RRAGD: variants seen among roughly 807,000 people sequenced by gnomAD.
RRAGD encodes ras-related GTP-binding protein D.
A neutral mutation model predicts 35.5 loss-of-function variants in RRAGD; 12 were observed. The observed-to-expected ratio is 0.34, with a 90% confidence interval of 0.22 to 0.55. RRAGD has a LOEUF of 0.55. Among genes scored for constraint, RRAGD ranks in the 20% least tolerant of loss-of-function variants. The probability of loss-of-function intolerance (pLI) is 0.91; values close to 1 mark genes in which losing one functional copy is unlikely to be tolerated. For synonymous variants in RRAGD, 155 were observed against 178.9 expected (o/e 0.87, Z 1.07); for missense variants, 324 against 490.1 (o/e 0.66, Z 3.20).
In RRAGD at chr6:89,365,632, CAA is replaced by C. The variant is rs1354410667; in HGVS notation, c.*2422_*2423del. ...TAATCTATATTAGCGTGTGATTAAT[CAA>C]AGAGTACACTTACTACCATGAACTT... On this transcript the variant is annotated 3_prime_UTR_variant, in exon 7 of 7. Coordinates refer to ENST00000369415, the MANE Select transcript of RRAGD (RefSeq NM_021244.5). 6.6e-6 allele frequency: 1 copy of C among 152,146 alleles called. No individual in the cohort carries two copies. Among genetic ancestry groups the C allele is most frequent in the African/African-American group, 2.4e-5 (1 of 41,446 alleles). 9.4% of individuals were successfully genotyped at this position (152,146 alleles called of 1,614,324 possible).
In RRAGD at chr6:89,367,745, A is replaced by G. The variant is rs1487840864; in HGVS notation, c.*311T>C. The G allele has an allele frequency of 1.6e-5, 4 of 243,732 alleles. No homozygotes were observed. Among genetic ancestry groups the G allele is most frequent in the Non-Finnish European group, 2.3e-5 (3 of 128,856 alleles). The allele number at this position is 243,732 out of a possible 1,614,324, so 15.1% of individuals were successfully genotyped here. On this transcript the variant is annotated 3_prime_UTR_variant, in exon 7 of 7. Transcript: ENST00000369415. ...AAAGTTCAGTTCAATGAGAAACATG[A>G]AAAAGTGCAAAATATGTACAATTCC...
chr6:89,373,098 C>A (rs2127884763), intron 5 of RRAGD, among the ~76,000 whole-genome samples: 1 of 152,278 alleles, frequency 6.6e-6, no homozygotes, highest in South Asian at 2.1e-4. Context: ...AATAATGTAG[C>A]CATGCTAAAT....
intron 1 of RRAGD, among the ~76,000 whole-genome samples, chr6:89,402,683 T>C (rs1274326410): frequency 6.6e-6 from 1 of 152,122 alleles, no homozygotes; most frequent in Non-Finnish European, 1.5e-5. Flanking sequence ...GGCTTGCTGG[T>C]CTGCAGCTCA....
At chr6:89,405,353 CAAAAAAAAA>C (rs56252416) in intron 1 of RRAGD, among the ~76,000 whole-genome samples, 5 of 52,182 alleles carry the variant, frequency 9.6e-5, no homozygotes, top group Admixed American at 4.8e-4. Context: ...GACTCCGTCT[CAAAAAAAAA>C]AAAAAAAAAA....
intron 5 of RRAGD, among the ~76,000 whole-genome samples, chr6:89,376,522 A>G (rs1016188101): frequency 1.3e-5 from 2 of 152,186 alleles, no homozygotes; most frequent in Admixed American, 1.3e-4. Flanking sequence ...TTAGATGAGG[A>G]TGTCAGATAC....
In RRAGD at chr6:89,373,286, G is replaced by T. The variant is rs536982108; in HGVS notation, c.903-701C>A. ...TTACTACCCTTGTATATTTTCTGTA[G>T]GTTTTAACTTTTTTTCAAAATAAAG... On this transcript the variant is annotated intron_variant, in intron 5 of 6. Transcript: ENST00000369415. Among the ~76,000 whole-genome samples the T allele has an allele frequency of 2.0e-4, 30 of 152,256 alleles. 1 individual carries two copies. In the South Asian group the frequency reaches 6.2e-3, roughly 32 times the overall value.
intron 1 of RRAGD, among the ~76,000 whole-genome samples, chr6:89,408,113 G>C (rs1252025443): frequency 6.6e-6 from 1 of 152,174 alleles, no homozygotes; most frequent in Non-Finnish European, 1.5e-5. Context: ...AAATCTAAGA[G>C]ATAAGCTGTG....
chr6:89,402,949 G>A (rs1450326786), intron 1 of RRAGD, among the ~76,000 whole-genome samples: 3 of 152,132 alleles, frequency 2.0e-5, no homozygotes, highest in Non-Finnish European at 4.4e-5. Context: ...CATCTCTCAA[G>A]GTGGTAACAC....
At position 89,380,027 on chromosome 6, in the gene RRAGD, T is replaced by G. The variant is rs1769014713; in HGVS notation, c.644+141A>C. 1.1e-4 allele frequency: 81 copies of G among 734,144 alleles called. 1 individual carries two copies. The South Asian group carries it at 1.3e-3, about 12-fold the overall frequency. 45.5% of individuals were successfully genotyped at this position (734,144 alleles called of 1,614,324 possible). A position where few individuals can be genotyped will look rare whatever the true frequency, so the allele number is the denominator to read the frequency against. ...AGCACATGCAAAGCTCATTTTCCCC[T>G]AATCCTATCCATCTACAGCATGAAA... On this transcript the variant is annotated intron_variant, in intron 3 of 6. Coordinates refer to ENST00000369415, the MANE Select transcript of RRAGD (RefSeq NM_021244.5).
At chr6:89,377,454 G>C (rs16881788) in intron 5 of RRAGD, among the ~76,000 whole-genome samples, 21,423 of 152,136 alleles carry the variant, frequency 0.14, 1,896 homozygotes, top group East Asian at 0.32. Flanking sequence ...CTAAAAAATT[G>C]AAATAAATAA....
chr6:89,378,748 G>T (rs1159697501), intron 4 of RRAGD, among the ~76,000 whole-genome samples: 1 of 152,200 alleles, frequency 6.6e-6, no homozygotes, highest in African/African-American at 2.4e-5. Flanking sequence ...GTGCAGGAAT[G>T]CATCTGAGTA....
intron 5 of RRAGD, among the ~76,000 whole-genome samples, chr6:89,372,820 AGGC>A (rs1768875910): frequency 1.3e-5 from 2 of 152,356 alleles, no homozygotes; most frequent in African/African-American, 4.8e-5. Flanking sequence ...GACACTCTCC[AGGC>A]ACCTGAAGAA....
At chr6:89,402,529 T>C (rs1244146356) in intron 1 of RRAGD, among the ~76,000 whole-genome samples, 3 of 152,100 alleles carry the variant, frequency 2.0e-5, no homozygotes, top group Admixed American at 6.5e-5. Flanking sequence ...TGTGTCACAT[T>C]AGGCATGAGG....
intron 6 of RRAGD, among the ~76,000 whole-genome samples, chr6:89,368,501 C>CT (rs970138737): frequency 6.6e-6 from 1 of 151,398 alleles, no homozygotes; most frequent in Non-Finnish European, 1.5e-5. Flanking sequence ...CTGAACTGAA[C>CT]TTTTTTTTTA....
chr6:89,387,158 A>C (rs2127890672), intron 2 of RRAGD, 137 bp downstream of exon 2: 2 of 866,164 alleles, frequency 2.3e-6, no homozygotes, highest in South Asian at 3.5e-5. Flanking sequence ...TAACTTTGGC[A>C]AAGTCTGAGA....
At chr6:89,372,311 G>T (rs1768866374) in intron 6 of RRAGD, 126 bp downstream of exon 6, 1 of 1,040,752 alleles carries the variant, frequency 9.6e-7, no homozygotes, top group Non-Finnish European at 1.4e-6. Flanking sequence ...AGCCAAGAGG[G>T]CCTGTGACTG....
At chr6:89,370,703 T>C (rs1230163867) in intron 6 of RRAGD, among the ~76,000 whole-genome samples, 1 of 152,164 alleles carries the variant, frequency 6.6e-6, no homozygotes, top group Non-Finnish European at 1.5e-5. Context: ...AAGAATCTAA[T>C]ACAATCATTA....
rs75243331 is a variant in RRAGD at position 89,401,048 on chromosome 6, A to G, written c.148+10798T>C. Among the ~76,000 whole-genome samples the G allele has an allele frequency of 3.2e-3, 489 of 152,312 alleles. 4 individuals are homozygous for G. Among genetic ancestry groups the G allele is most frequent in the African/African-American group, 0.011 (465 of 41,570 alleles). On this transcript the variant is annotated intron_variant, in intron 1 of 6. Transcript: ENST00000369415. ...GGAATACAGACATGACAAACTGGCA[A>G]TTACCATGCACGGCCAGCTAGGTGT...
chr6:89,391,849 C>CT (rs1255999001), intron 1 of RRAGD, among the ~76,000 whole-genome samples: 4 of 150,392 alleles, frequency 2.7e-5, no homozygotes, highest in Admixed American at 1.3e-4. Context: ...CCCAGCTACT[C>CT]TAAGAGCTGA....
Sources: allele counts gnomAD v4.1 joint callset (sites outside exome capture counted in the v4.1 genomes callset), GRCh38; gene constraint gnomAD v4.1.1; transcripts MANE v1.5; gene names NCBI Gene and HGNC (gene_info 2026-07-23, HGNC 2026-07-21).